Variants in EFNA5 observed in about 807,000 individuals in gnomAD.
The protein encoded by EFNA5 is ephrin-A5.
A neutral mutation model predicts 22.9 loss-of-function variants in EFNA5; 5 were observed. That is an observed-to-expected ratio of 0.22 (90% CI 0.11 to 0.46). The LOEUF is 0.46. Ranked by LOEUF, EFNA5 falls within the 20% of genes least tolerant of loss-of-function variation. The pLI, the probability that EFNA5 is intolerant of heterozygous loss-of-function variation, is 0.99. For synonymous variants in EFNA5, 113 were observed against 112.2 expected, an observed-to-expected ratio of 1.01 and a Z score of -0.04; for missense variants, 237 against 293.3, an observed-to-expected ratio of 0.81 and a Z score of 1.40.
At chr5:107,588,592 T>C (rs1386968499) in intron 1 of EFNA5, among the ~76,000 whole-genome samples, 4 of 152,254 alleles carry the variant, frequency 2.6e-5, no homozygotes, top group Non-Finnish European at 4.4e-5. Context: ...AAGATAACTG[T>C]ATCGTATCTG....
intron 1 of EFNA5, among the ~76,000 whole-genome samples, chr5:107,450,148 G>A (rs927923459): frequency 3.9e-5 from 6 of 152,306 alleles, no homozygotes; most frequent in Admixed American, 3.9e-4. Flanking sequence ...ACATGAGAAG[G>A]AAGGAGGGGA....
intron 1 of EFNA5, among the ~76,000 whole-genome samples, chr5:107,566,741 T>G (rs1464335954): frequency 1.3e-5 from 2 of 152,236 alleles, no homozygotes; most frequent in African/African-American, 4.8e-5. Flanking sequence ...GGATAAACAC[T>G]GCCTGCGATA....
intron 1 of EFNA5, among the ~76,000 whole-genome samples, chr5:107,453,944 TGA>T (rs1437273071): frequency 1.0e-5 from 1 of 98,568 alleles, no homozygotes; most frequent in African/African-American, 5.4e-5. Context: ...TGAAGGAGTG[TGA>T]GTGTGTGTGT....
At position 107,656,719 on chromosome 5, in the gene EFNA5, T is replaced by C. The variant is rs964407591; in HGVS notation, c.125+13770A>G. ...GTCCTGCCACATATACACATTCCTT[T>C]AAATTTTCACAAGTCTGAGGGAGAT... is the stretch of plus-strand genomic sequence containing the variant. On this transcript the variant is annotated intron_variant, in intron 1 of 4. Coordinates refer to ENST00000333274, the MANE Select transcript of EFNA5 (RefSeq NM_001962.3). Among the ~76,000 whole-genome samples, 3 of 152,266 alleles carry C rather than the reference T, an allele frequency of 2.0e-5. No individual in the cohort carries two copies. In the South Asian group the frequency reaches 6.2e-4, roughly 32 times the overall value.
chr5:107,437,774 C>T (rs989665235), intron 1 of EFNA5, among the ~76,000 whole-genome samples: 42 of 152,242 alleles, frequency 2.8e-4, no homozygotes, highest in Admixed American at 2.7e-3. Context: ...TAATCTCTTC[C>T]TGTGTTCTGG....
At chr5:107,568,354 C>T (rs1748705463) in intron 1 of EFNA5, among the ~76,000 whole-genome samples, 1 of 152,132 alleles carries the variant, frequency 6.6e-6, no homozygotes, top group South Asian at 2.1e-4. Context: ...GAGAGAACAA[C>T]CCATGGGAAA....
chr5:107,435,194 G>A (rs926149899), intron 1 of EFNA5, among the ~76,000 whole-genome samples: 23 of 152,108 alleles, frequency 1.5e-4, no homozygotes, highest in Non-Finnish European at 3.1e-4. Context: ...ATGTTTTTGT[G>A]AGGAGATGGG....
intron 1 of EFNA5, among the ~76,000 whole-genome samples, chr5:107,506,614 T>G (rs1747255556): frequency 6.6e-6 from 1 of 151,984 alleles, no homozygotes; most frequent in Non-Finnish European, 1.5e-5. Flanking sequence ...GAGGCAGGTG[T>G]GGAGGGTGGG....
chr5:107,628,436 T>C (rs1277380144), intron 1 of EFNA5, among the ~76,000 whole-genome samples: 1 of 152,140 alleles, frequency 6.6e-6, no homozygotes. Flanking sequence ...AAACAAAAAG[T>C]ACCTAGAATT....
Position 107,427,315 on chromosome 5 carries a change from G to A in EFNA5, c.320C>T (p.Ser107Phe). Residue 107 changes from serine (S) to phenylalanine (F), a missense_variant, in exon 2 of 5, where the codon TCT (serine) becomes TTT (phenylalanine). Physicochemically the swap from Ser to Phe is radical, Grantham distance 155. Around this residue, in one of 3 missense-constraint regions of EFNA5, gnomAD observed 120 missense variants for 140.5 expected, o/e 0.85. Coordinates refer to ENST00000333274, the MANE Select transcript of EFNA5 (RefSeq NM_001962.3). Reference sequence around the variant, plus strand: ...AGAGAACTTCAGCGGTCCATTTGGAGAGTGAGGCCGGTTACATTCCCATCT... The same window carrying A: ...AGAGAACTTCAGCGGTCCATTTGGAAAGTGAGGCCGGTTACATTCCCATCT... ...FKRWECNRPHSPNGPLKFSEK... is the reference protein window; with the variant it reads ...FKRWECNRPHFPNGPLKFSEK... 1 of 1,614,172 alleles carries A rather than the reference G, an allele frequency of 6.2e-7. No individual in the cohort carries two copies. Among genetic ancestry groups the A allele is most frequent in the Non-Finnish European group, 8.5e-7 (1 of 1,180,010 alleles).
At chr5:107,568,421 A>G (rs1748707896) in intron 1 of EFNA5, among the ~76,000 whole-genome samples, 1 of 152,238 alleles carries the variant, frequency 6.6e-6, no homozygotes, top group Non-Finnish European at 1.5e-5. Context: ...CAATTCCTAC[A>G]GAGAGGACAT....
At chr5:107,449,513 G>GC (rs1184182255) in intron 1 of EFNA5, among the ~76,000 whole-genome samples, 12 of 121,874 alleles carry the variant, frequency 9.8e-5, no homozygotes, top group East Asian at 5.4e-4. Flanking sequence ...ATCCCTCCCC[G>GC]CCCCCCCAAC....
chr5:107,580,800 C>T (rs901991856), intron 1 of EFNA5, among the ~76,000 whole-genome samples: 10 of 151,564 alleles, frequency 6.6e-5, no homozygotes, highest in African/African-American at 9.7e-5. Flanking sequence ...AATAAGCATG[C>T]GCCCACATTG....
At position 107,410,022 on chromosome 5, in the gene EFNA5, C is replaced by CT. The variant is rs70996956; in HGVS notation, c.418+17194dup. 4.9e-3 allele frequency among the ~76,000 whole-genome samples: 433 copies of CT among 87,986 alleles called. 5 individuals carry two copies. The highest frequency in any genetic ancestry group is 0.016 in the East Asian group (52 of 3,286). 57.7% of individuals were successfully genotyped at this position (87,986 alleles called of 152,430 possible). On this transcript the variant is annotated intron_variant, in intron 2 of 4. Coordinates refer to ENST00000333274, the MANE Select transcript of EFNA5 (RefSeq NM_001962.3). ...CCAGAGGAATTTAAGTGACATGATT[C>CT]TTTTTTTTTTTTTTTTTTTTTTTTG... is the stretch of plus-strand genomic sequence containing the variant.
intron 1 of EFNA5, among the ~76,000 whole-genome samples, chr5:107,433,303 G>A (rs1161770095): frequency 6.6e-6 from 1 of 152,098 alleles, no homozygotes; most frequent in Admixed American, 6.5e-5. Flanking sequence ...ATTATAAAAG[G>A]GTAATTTTAG....
At chr5:107,604,264 T>C (rs1354904146) in intron 1 of EFNA5, among the ~76,000 whole-genome samples, 4 of 152,232 alleles carry the variant, frequency 2.6e-5, no homozygotes, top group Non-Finnish European at 5.9e-5. Flanking sequence ...ACTGCCACCT[T>C]GAACTCCTGG....
chr5:107,622,994 G>T (rs1029881809), intron 1 of EFNA5, among the ~76,000 whole-genome samples: 36 of 121,942 alleles, frequency 3.0e-4, no homozygotes, highest in African/African-American at 9.9e-4. Context: ...GCAGTCCGCA[G>T]TCCGGCCTGG....
At position 107,647,741 on chromosome 5, in the gene EFNA5, C is replaced by A. The variant is rs369151908; in HGVS notation, c.125+22748G>T. 7.9e-5 allele frequency among the ~76,000 whole-genome samples: 12 copies of A among 152,204 alleles called. No individual in the cohort carries two copies. The East Asian group carries it at 1.4e-3, about 17-fold the overall frequency. The stretch of plus-strand genomic sequence containing the variant: ...ATCAATCTACTTGGATGAGAACAAG[C>A]CTAACCTCTAAGAGGACACATCACT... On this transcript the variant is annotated intron_variant, in intron 1 of 4. Transcript: ENST00000333274.
chr5:107,560,463 T>C (rs1748511936), intron 1 of EFNA5, among the ~76,000 whole-genome samples: 1 of 152,204 alleles, frequency 6.6e-6, no homozygotes. Context: ...AAAATCTAAG[T>C]AAAAAATACC....
Sources: allele counts gnomAD v4.1 joint callset (sites outside exome capture counted in the v4.1 genomes callset), GRCh38; gene constraint gnomAD v4.1.1; regional missense constraint gnomAD v4.1.1; transcripts MANE v1.5; gene names NCBI Gene and HGNC (gene_info 2026-07-23, HGNC 2026-07-21).